SEM1: variants seen among roughly 807,000 people sequenced by gnomAD.
SEM1 encodes the protein 26S proteasome complex subunit SEM1.
A neutral mutation model predicts 12.7 loss-of-function variants in SEM1; 3 were observed. The ratio of observed to expected loss-of-function variants is 0.24; its 90% CI spans 0.11 to 0.61. The LOEUF (loss-of-function observed/expected upper bound fraction) is 0.61. SEM1 is among the 20% of genes least tolerant of loss of function. The probability of loss-of-function intolerance (pLI) is 0.88; values close to 1 mark genes in which losing one functional copy is unlikely to be tolerated. For synonymous variants in SEM1, 30 were observed against 27.8 expected (o/e 1.08, Z -0.25); for missense variants, 59 against 81.3 (o/e 0.73, Z 1.06).
chr7:96,696,580 G>A (rs1439002364), intron 1 of SEM1: 1 of 151,836 alleles, frequency 6.6e-6, no homozygotes, highest in African/African-American at 2.4e-5. Context: ...AAATTAATAT[G>A]AGCACTGTTA....
At chr7:96,630,586 G>T (rs1404341982) in intron 2 of SEM1, among the ~76,000 whole-genome samples, 3 of 152,176 alleles carry the variant, frequency 2.0e-5, no homozygotes, top group Admixed American at 1.3e-4. Flanking sequence ...CCAACTCCTG[G>T]AATTGGGGAC....
intron 2 of SEM1, chr7:96,664,202 C>A (rs936822544): frequency 6.6e-6 from 1 of 152,196 alleles, no homozygotes; most frequent in Non-Finnish European, 1.5e-5. Flanking sequence ...TATTATCTTA[C>A]AATTCTGCAG....
rs569451624 is a variant in SEM1, at chr7:96,532,965, C to T, written c.171-26267G>A. On this transcript the variant is annotated intron_variant and NMD_transcript_variant, in intron 2 of 3. Transcript: ENST00000466986. ...GCTAATAAGAAAAGACTTTTACTTC[C>T]GCTACAGATTGGTATCAGTACTTGT... Among the ~76,000 whole-genome samples the T allele has an allele frequency of 1.3e-4, 20 of 152,144 alleles. 1 individual carries two copies. The highest frequency in any genetic ancestry group is 3.1e-4 in the African/African-American group (13 of 41,544).
At chr7:96,695,612 T>C (rs1208464050) in intron 1 of SEM1, 2 of 151,890 alleles carry the variant, frequency 1.3e-5, no homozygotes, top group South Asian at 4.1e-4. Context: ...ATAGTTATTT[T>C]AAGGAGTCTT....
intron 2 of SEM1, among the ~76,000 whole-genome samples, chr7:96,586,679 G>C (rs540725272): frequency 2.0e-5 from 3 of 152,198 alleles, no homozygotes; most frequent in Non-Finnish European, 4.4e-5. Context: ...GAGATTTGAG[G>C]CTGGATTCTT....
At chr7:96,564,205 T>C (rs555203538) in intron 2 of SEM1, among the ~76,000 whole-genome samples, 1 of 152,220 alleles carries the variant, frequency 6.6e-6, no homozygotes, top group Non-Finnish European at 1.5e-5. Context: ...TGATTTACAT[T>C]CTTCTAAAAA....
intron 2 of SEM1, among the ~76,000 whole-genome samples, chr7:96,564,768 A>G (rs780023371): frequency 2.0e-5 from 3 of 152,010 alleles, no homozygotes; most frequent in Non-Finnish European, 4.4e-5. Context: ...TGGCTCTGCT[A>G]TTGAGAGTTT....
chr7:96,536,673 C>G (rs1804795762), intron 2 of SEM1, among the ~76,000 whole-genome samples: 1 of 151,792 alleles, frequency 6.6e-6, no homozygotes, highest in Admixed American at 6.6e-5. Flanking sequence ...TAATGCTCCT[C>G]TTTGTCCCTC....
chr7:96,638,708 C>T (rs545828222), intron 2 of SEM1, among the ~76,000 whole-genome samples: 221 of 152,038 alleles, frequency 1.5e-3, no homozygotes, highest in Admixed American at 3.3e-3. Flanking sequence ...ACATAACCTT[C>T]TCTCCTAGTG....
chr7:96,623,378 C>G (rs1584812655), intron 2 of SEM1, among the ~76,000 whole-genome samples: 1 of 151,202 alleles, frequency 6.6e-6, no homozygotes, highest in East Asian at 1.9e-4. Context: ...ACTGCATGAG[C>G]CAATTCTTTA....
At chr7:96,667,978 A>C (rs1789213812) in intron 2 of SEM1, among the ~76,000 whole-genome samples, 1 of 152,172 alleles carries the variant, frequency 6.6e-6, no homozygotes, top group African/African-American at 2.4e-5. Context: ...TAACACTGAA[A>C]AATTCTATTA....
chr7:96,533,611 T>A (rs1279015983), intron 2 of SEM1, among the ~76,000 whole-genome samples: 1 of 152,078 alleles, frequency 6.6e-6, no homozygotes, highest in Non-Finnish European at 1.5e-5. Flanking sequence ...CTGAATTATT[T>A]GGATATCGCT....
chr7:96,557,612 T>G (rs867052704), intron 2 of SEM1, among the ~76,000 whole-genome samples: 3 of 97,920 alleles, frequency 3.1e-5, no homozygotes, highest in Non-Finnish European at 5.3e-5. Context: ...GACAGGGACA[T>G]TTAAGTCTGC....
downstream of SEM1, among the ~76,000 whole-genome samples, chr7:96,618,141 T>A (rs1243444816): frequency 6.6e-6 from 1 of 152,208 alleles, no homozygotes; most frequent in Non-Finnish European, 1.5e-5. Flanking sequence ...CAGCTGTGAA[T>A]CCATCTGAAC....
chr7:96,529,068 A>G (rs976458191), intron 2 of SEM1, among the ~76,000 whole-genome samples: 1 of 152,158 alleles, frequency 6.6e-6, no homozygotes, highest in East Asian at 1.9e-4. Context: ...AGTGTATTGG[A>G]TGGTGATTAG....
intron 2 of SEM1, among the ~76,000 whole-genome samples, chr7:96,666,528 T>A (rs746894701): frequency 2.2e-4 from 34 of 152,188 alleles, no homozygotes; most frequent in Non-Finnish European, 4.4e-4. Context: ...GTAGCTGTAG[T>A]ATGATATTAT....
intron 2 of SEM1, chr7:96,649,458 C>A (rs759857139): frequency 6.6e-6 from 1 of 152,078 alleles, no homozygotes; most frequent in African/African-American, 2.4e-5. Flanking sequence ...TTCTGAGGTA[C>A]AACAAAATAT....
At chr7:96,668,141 G>A (rs546462691) in intron 2 of SEM1, among the ~76,000 whole-genome samples, 13 of 152,298 alleles carry the variant, frequency 8.5e-5, no homozygotes, top group Non-Finnish European at 1.3e-4. Context: ...TGAAATTGTA[G>A]AGTTATCAGA....
intron 2 of SEM1, among the ~76,000 whole-genome samples, chr7:96,604,921 A>G (rs940747573): frequency 3.3e-5 from 5 of 151,964 alleles, no homozygotes; most frequent in Non-Finnish European, 7.4e-5. Context: ...ACTCCGTCTC[A>G]AAAAATAAAC....
Sources: allele counts gnomAD v4.1 joint callset (sites outside exome capture counted in the v4.1 genomes callset), GRCh38; gene constraint gnomAD v4.1.1; transcripts MANE v1.5; gene names NCBI Gene and HGNC (gene_info 2026-07-23, HGNC 2026-07-21).